The following DNAI7 variants were observed in gnomAD, a reference collection of about 807,000 sequenced individuals.
The protein encoded by DNAI7 is cancer susceptibility 1.
Under a neutral mutation model 86.6 loss-of-function variants are expected in DNAI7, and 78 were observed. The ratio of observed to expected loss-of-function variants is 0.90; its 90% CI spans 0.75 to 1.09. The LOEUF is 1.09. Ranked by LOEUF, DNAI7 falls within the 50% of genes least tolerant of loss-of-function variation. The probability of loss-of-function intolerance (pLI) is 0.00; values close to 1 mark genes in which losing one functional copy is unlikely to be tolerated. For synonymous variants in DNAI7, 274 were observed against 273.0 expected (o/e 1.00, Z -0.04); for missense variants, 753 against 810.2 (o/e 0.93, Z 0.86).
At chr12:25,122,175 A>G (rs1193530675) in intron 10 of DNAI7, among the ~76,000 whole-genome samples, 2 of 152,214 alleles carry the variant, frequency 1.3e-5, no homozygotes, top group Non-Finnish European at 2.9e-5. Flanking sequence ...TATTATTAAA[A>G]TGAAAACAGG....
chr12:25,140,443 C>A (rs533898361), intron 9 of DNAI7, among the ~76,000 whole-genome samples: 1 of 152,090 alleles, frequency 6.6e-6, no homozygotes, highest in South Asian at 2.1e-4. Context: ...GCCCCTTTTA[C>A]AGTAGTTGCA....
intron 9 of DNAI7, among the ~76,000 whole-genome samples, chr12:25,140,687 T>A (rs1242804594): frequency 8.1e-6 from 1 of 124,162 alleles, no homozygotes; most frequent in East Asian, 2.9e-4. Flanking sequence ...CCATCATCAT[T>A]CTTCATGGAA....
intron 2 of DNAI7, among the ~76,000 whole-genome samples, chr12:25,177,927 T>C (rs1358856959): frequency 6.6e-6 from 1 of 152,184 alleles, no homozygotes; most frequent in East Asian, 1.9e-4. Context: ...TCTAATTCAA[T>C]CTAATTGTAT....
intron 2 of DNAI7, among the ~76,000 whole-genome samples, chr12:25,174,389 G>T (rs1380436641): frequency 0.054 from 168 of 3,102 alleles, 57 homozygotes; most frequent in African/African-American, 0.36. Flanking sequence ...ATATATATGG[G>T]ATATATCATA....
chr12:25,145,398 C>G (rs1324002301), intron 8 of DNAI7, among the ~76,000 whole-genome samples: 1 of 152,204 alleles, frequency 6.6e-6, no homozygotes, highest in South Asian at 2.1e-4. Flanking sequence ...TCTGCCTGCA[C>G]TATTCCTTAT....
At chr12:25,168,262 T>C (rs1244488020) in intron 2 of DNAI7, among the ~76,000 whole-genome samples, 1 of 152,232 alleles carries the variant, frequency 6.6e-6, no homozygotes, top group African/African-American at 2.4e-5. Context: ...TACCTGCTAA[T>C]TGGGCAGGTA....
In DNAI7 at chr12:25,108,420, T is replaced by C. The variant is rs1199026646; in HGVS notation, c.*128A>G. 2 of 793,266 alleles carry C rather than the reference T, an allele frequency of 2.5e-6. No homozygotes were observed. Among genetic ancestry groups the C allele is most frequent in the Admixed American group, 3.5e-5 (1 of 28,480 alleles). The allele number at this position is 793,266 out of a possible 1,614,324, so 49.1% of individuals were successfully genotyped here. A position where few individuals can be genotyped will look rare whatever the true frequency, so the allele number is the denominator to read the frequency against. On this transcript the variant is annotated 3_prime_UTR_variant, in exon 16 of 16. Transcript: ENST00000395987. ...TTTAAAATAAAACTTGAGTAGAAAA[T>C]GCAGATTAGAAAATTTTTAATAGTT...
At chr12:25,110,828 G>T (rs994028256) in intron 14 of DNAI7, among the ~76,000 whole-genome samples, 1 of 151,180 alleles carries the variant, frequency 6.6e-6, no homozygotes, top group Admixed American at 6.6e-5. Context: ...GTTTTCCTTC[G>T]ACTGTGAAAG....
At chr12:25,174,243 C>T (rs1026941539) in intron 2 of DNAI7, among the ~76,000 whole-genome samples, 6 of 103,192 alleles carry the variant, frequency 5.8e-5, no homozygotes, top group East Asian at 5.8e-4. Context: ...TGTCTGTTTA[C>T]GCTGCTGACT....
intron 9 of DNAI7, among the ~76,000 whole-genome samples, chr12:25,124,287 G>A (rs1017930042): frequency 6.6e-6 from 1 of 151,816 alleles, no homozygotes; most frequent in Non-Finnish European, 1.5e-5. Flanking sequence ...CCCCTGACCA[G>A]CTTTAACACT....
intron 6 of DNAI7, among the ~76,000 whole-genome samples, chr12:25,152,691 A>G (rs1945697485): frequency 6.6e-6 from 1 of 152,188 alleles, no homozygotes; most frequent in Non-Finnish European, 1.5e-5. Flanking sequence ...ACAGGTGACA[A>G]GCTGGGACTT....
chr12:25,179,593 T>A (rs898609203), intron 2 of DNAI7, among the ~76,000 whole-genome samples: 1 of 152,096 alleles, frequency 6.6e-6, no homozygotes, highest in African/African-American at 2.4e-5. Flanking sequence ...CCTTGGCTAA[T>A]CAAGTCTTTA....
intron 2 of DNAI7, among the ~76,000 whole-genome samples, chr12:25,182,797 G>T (rs373707009): frequency 1.4e-5 from 2 of 148,110 alleles, no homozygotes; most frequent in Admixed American, 1.3e-4. Flanking sequence ...GGTGGCACAC[G>T]TCTGTGGTCC....
At chr12:25,171,881 C>T (rs1351399367) in intron 2 of DNAI7, among the ~76,000 whole-genome samples, 3 of 152,076 alleles carry the variant, frequency 2.0e-5, no homozygotes, top group African/African-American at 7.2e-5. Context: ...CATCTGAATA[C>T]ATGCAGAAAA....
At chr12:25,112,464 T>C (rs2140349333) in intron 13 of DNAI7, among the ~76,000 whole-genome samples, 1 of 139,168 alleles carries the variant, frequency 7.2e-6, no homozygotes, top group Non-Finnish European at 1.5e-5. Context: ...TGGAGTGCAG[T>C]GGTGTGATCT....
intron 12 of DNAI7, among the ~76,000 whole-genome samples, chr12:25,118,315 G>A (rs1283882293): frequency 6.6e-6 from 1 of 151,976 alleles, no homozygotes; most frequent in African/African-American, 2.4e-5. Context: ...CCAGACTGGA[G>A]TACAGTGGCG....
intron 6 of DNAI7, 23 bp from the exon 7 acceptor site, chr12:25,149,797 C>T (rs1293602797): frequency 2.2e-6 from 3 of 1,375,016 alleles, no homozygotes; most frequent in African/African-American, 2.9e-5. Context: ...AGAATATTTG[C>T]ATTAATTCTC....
intron 2 of DNAI7, among the ~76,000 whole-genome samples, chr12:25,186,008 A>G (rs1949996665): frequency 6.6e-6 from 1 of 152,188 alleles, no homozygotes; most frequent in Admixed American, 6.5e-5. Flanking sequence ...CATTTTCTTC[A>G]TTGGAAGAAA....
At chr12:25,132,245 A>T (rs1489534843) in intron 9 of DNAI7, among the ~76,000 whole-genome samples, 1 of 152,162 alleles carries the variant, frequency 6.6e-6, no homozygotes, top group Non-Finnish European at 1.5e-5. Context: ...TAAAAAAATC[A>T]CTGATAATAT....
Sources: gnomAD v4.1 joint callset for allele counts (sites outside exome capture counted in the v4.1 genomes callset) on GRCh38, gnomAD v4.1.1 for gene constraint, MANE v1.5 for transcripts, NCBI Gene and HGNC (gene_info 2026-07-23, HGNC 2026-07-21) for gene names.